Variants in C2orf92 observed in about 807,000 individuals in gnomAD.
C2orf92 encodes the protein uncharacterized protein C2orf92.
chr2:97,689,230 G>C (rs1390543984), intron 4 of C2orf92, among the ~76,000 whole-genome samples: 2 of 152,172 alleles, frequency 1.3e-5, no homozygotes, highest in Non-Finnish European at 2.9e-5. Flanking sequence ...TTGATGTGCA[G>C]TGTTAGGCAG....
At chr2:97,697,180 A>G (rs1676335161) in intron 5 of C2orf92, 2 of 152,216 alleles carry the variant, frequency 1.3e-5, no homozygotes, top group Non-Finnish European at 1.5e-5. Flanking sequence ...CTAAAGTTGG[A>G]AAGAAATCTG....
intron 5 of C2orf92, among the ~76,000 whole-genome samples, chr2:97,693,437 C>T (rs1488933558): frequency 6.6e-6 from 1 of 151,960 alleles, no homozygotes; most frequent in Admixed American, 6.6e-5. Context: ...TTTTACAATC[C>T]CACCAATATG....
intron 3 of C2orf92, 84 bp downstream of exon 3, chr2:97,676,012 T>G: frequency 5.0e-6 from 2 of 398,814 alleles, no homozygotes; most frequent in Non-Finnish European, 8.8e-6. Flanking sequence ...AGTAGCCTGT[T>G]CCTGCTGCTT....
intron 3 of C2orf92, among the ~76,000 whole-genome samples, chr2:97,684,325 G>A (rs1477434173): frequency 3.3e-5 from 5 of 152,048 alleles, no homozygotes; most frequent in East Asian, 1.9e-4. Flanking sequence ...ATGAGCCACC[G>A]TGCCCGGCCA....
upstream of C2orf92, among the ~76,000 whole-genome samples, chr2:97,667,791 G>A (rs1675284233): frequency 2.0e-5 from 3 of 152,026 alleles, no homozygotes; most frequent in African/African-American, 4.8e-5. Flanking sequence ...TTTAAAAAAT[G>A]TCTTCCTTTA....
At chr2:97,698,215 G>T (rs1676370685) in intron 5 of C2orf92, 1 of 152,176 alleles carries the variant, frequency 6.6e-6, no homozygotes, top group Non-Finnish European at 1.5e-5. Context: ...ATTGGTTCTA[G>T]TTTGTTCCCC....
upstream of C2orf92, among the ~76,000 whole-genome samples, chr2:97,665,233 C>T (rs1476472289): frequency 1.3e-5 from 2 of 152,140 alleles, no homozygotes; most frequent in Non-Finnish European, 2.9e-5. Context: ...GTATATATAC[C>T]TCTCCCAATG....
At chr2:97,679,903 C>T (rs889681444) in intron 3 of C2orf92, among the ~76,000 whole-genome samples, 3 of 149,386 alleles carry the variant, frequency 2.0e-5, no homozygotes, top group African/African-American at 7.4e-5. Flanking sequence ...TATAAAGAAC[C>T]AACTTTTAAA....
chr2:97,663,983 A>C, upstream of C2orf92: 1 of 791,410 alleles, frequency 1.3e-6, no homozygotes, highest in Non-Finnish European at 1.7e-6. Flanking sequence ...GCGGCTCCCG[A>C]CGCGGCGCCG....
intron 5 of C2orf92, among the ~76,000 whole-genome samples, chr2:97,691,472 T>C (rs1676134725): frequency 6.6e-6 from 1 of 152,208 alleles, no homozygotes; most frequent in Non-Finnish European, 1.5e-5. Flanking sequence ...TCATCTGAGC[T>C]ATCTGATCAT....
At chr2:97,680,917 C>T (rs1374216415) in intron 3 of C2orf92, among the ~76,000 whole-genome samples, 1 of 151,642 alleles carries the variant, frequency 6.6e-6, no homozygotes, top group Admixed American at 6.6e-5. Flanking sequence ...CAGAGCGAGA[C>T]TCCGTCTCAA....
chr2:97,678,294 A>AATGAATTAGAAG (rs1301777925), intron 3 of C2orf92, among the ~76,000 whole-genome samples: 1 of 152,114 alleles, frequency 6.6e-6, no homozygotes, highest in Non-Finnish European at 1.5e-5. Flanking sequence ...AAAAAAAGAA[A>AATGAATTAGAAG]ATGAATTGAA....
At chr2:97,676,358 C>T (rs1343990356) in intron 3 of C2orf92, among the ~76,000 whole-genome samples, 1 of 146,388 alleles carries the variant, frequency 6.8e-6, no homozygotes, top group Non-Finnish European at 1.5e-5. Flanking sequence ...TGCTTGAACC[C>T]GGGAGGCGGA....
chr2:97,683,030 C>G (rs1675828425), intron 3 of C2orf92, among the ~76,000 whole-genome samples: 1 of 151,240 alleles, frequency 6.6e-6, no homozygotes, highest in South Asian at 2.1e-4. Flanking sequence ...AAAATTATCT[C>G]TGGTTGCAGA....
At chr2:97,701,898 C>T (rs1676508134) in intron 7 of C2orf92, among the ~76,000 whole-genome samples, 1 of 152,052 alleles carries the variant, frequency 6.6e-6, no homozygotes, top group African/African-American at 2.4e-5. Context: ...TGTCTACACC[C>T]CCGTCTACAC....
At chr2:97,685,032 C>G (rs1392618775) in intron 3 of C2orf92, among the ~76,000 whole-genome samples, 4 of 151,696 alleles carry the variant, frequency 2.6e-5, no homozygotes, top group Admixed American at 2.0e-4. Context: ...CGGGTTCACA[C>G]CATTCTCCTG....
intron 3 of C2orf92, among the ~76,000 whole-genome samples, chr2:97,682,760 T>TG (rs1296976607): frequency 6.6e-6 from 1 of 151,722 alleles, no homozygotes; most frequent in Non-Finnish European, 1.5e-5. Context: ...TCAACACCCT[T>TG]TCATGATTGA....
chr2:97,680,922 T>C (rs1161443415), intron 3 of C2orf92, among the ~76,000 whole-genome samples: 1 of 149,942 alleles, frequency 6.7e-6, no homozygotes, highest in Non-Finnish European at 1.5e-5. Flanking sequence ...CGAGACTCCG[T>C]CTCAAAAAAA....
chr2:97,676,440 AAAAAAAAAG>A (rs1675581835), intron 3 of C2orf92, among the ~76,000 whole-genome samples: 1 of 114,244 alleles, frequency 8.8e-6, no homozygotes, highest in Non-Finnish European at 2.0e-5. Context: ...TCTCAAAAAA[AAAAAAAAAG>A]AAAAAAAAAA....
Sources: gnomAD v4.1 joint callset for allele counts (sites outside exome capture counted in the v4.1 genomes callset) on GRCh38, gnomAD v4.1.1 for gene constraint, MANE v1.5 for transcripts, NCBI Gene and HGNC (gene_info 2026-07-23, HGNC 2026-07-21) for gene names.